The following ADA variants were observed in gnomAD, a reference collection of about 807,000 sequenced individuals.
ADA encodes the protein adenosine deaminase, also known as adenosine aminohydrolase.
ADA carries 45 observed loss-of-function variants against 49.0 expected under a neutral mutation model. That is an observed-to-expected ratio of 0.92 (90% CI 0.72 to 1.18). ADA has a LOEUF of 1.18. Ranked by LOEUF, ADA falls within the 50% of genes most tolerant of loss-of-function variation. ADA has a pLI of 0.00. For missense variants in ADA, 445 were observed against 472.5 expected, an observed-to-expected ratio of 0.94 and a Z score of 0.54; for synonymous variants, 173 against 184.2, an observed-to-expected ratio of 0.94 and a Z score of 0.49.
intron 9 of ADA, 69 bp from the exon 10 acceptor site, chr20:44,621,216 C>T (rs1359379080): frequency 1.3e-5 from 20 of 1,597,146 alleles, no homozygotes; most frequent in South Asian, 6.6e-5. Flanking sequence ...AACACATTGA[C>T]GTTCACCCGC....
At chr20:44,638,894 G>A (rs756204516) in intron 1 of ADA, among the ~76,000 whole-genome samples, 21 of 152,218 alleles carry the variant, frequency 1.4e-4, no homozygotes, top group Admixed American at 7.2e-4. Flanking sequence ...GCAGGGGTGC[G>A]GAGGGAGGCA....
At position 44,649,133 on chromosome 20, in the gene ADA, C is replaced by T. The variant is rs533336349; in HGVS notation, c.33+2442G>A. On this transcript the variant is annotated intron_variant, in intron 1 of 11. Coordinates refer to ENST00000372874, the MANE Select transcript of ADA (RefSeq NM_000022.4). ...AAACCCCAGATTGGACATTTCCTAG[C>T]TGTGTGATCTTGGGCCTAGTTAACC... Among the ~76,000 whole-genome samples the T allele has an allele frequency of 3.0e-4, 46 of 152,222 alleles. No individual in the cohort carries two copies. The South Asian group carries it at 8.9e-3, about 29-fold the overall frequency.
intron 2 of ADA, 181 bp downstream of exon 2, chr20:44,636,046 G>C: frequency 1.6e-6 from 1 of 644,308 alleles, no homozygotes; most frequent in South Asian, 1.8e-5. Context: ...TGGTCTGCGG[G>C]TCTCCAGCTC....
In ADA at chr20:44,619,649, T is replaced by TC; in HGVS notation, c.*184dup. The TC allele has an allele frequency of 1.4e-6, 1 of 728,140 alleles. No individual in the cohort carries two copies. The highest frequency in any genetic ancestry group is 2.3e-6 in the Non-Finnish European group (1 of 426,916). 45.1% of individuals were successfully genotyped at this position (728,140 alleles called of 1,614,324 possible). On this transcript the variant is annotated 3_prime_UTR_variant, in exon 12 of 12. Coordinates refer to ENST00000372874, the MANE Select transcript of ADA (RefSeq NM_000022.4). ...GCTGGTCCCTGGCCAGGGCACATAA[T>TC]CAGAGAAGTGACGCGGCCATGCCGA... is the stretch of plus-strand genomic sequence containing the variant.
chr20:44,626,197 C>T (rs959795144), intron 4 of ADA: 26 of 574,650 alleles, frequency 4.5e-5, no homozygotes, highest in Middle Eastern at 9.4e-4. Flanking sequence ...GGTTAACATT[C>T]CTGGACAGCA....
At chr20:44,625,095 A>G (rs1054284810) in intron 5 of ADA, among the ~76,000 whole-genome samples, 1 of 152,244 alleles carries the variant, frequency 6.6e-6, no homozygotes, top group African/African-American at 2.4e-5. Context: ...TAACCAGAGC[A>G]GCAGTGTGAC....
Position 44,632,692 on chromosome 20 carries a change from C to A in ADA, c.96-3523G>T, listed in dbSNP as rs373232169. Among the ~76,000 whole-genome samples, 26 of 152,234 alleles carry A rather than the reference C, an allele frequency of 1.7e-4. 1 individual carries two copies. Among genetic ancestry groups the A allele is most frequent in the Admixed American group, 8.5e-4 (13 of 15,286 alleles). ...CTCATAGGGCCACCCTCTGTTTTTT[C>A]TTTTGTTTTGTTTTTTTGAGACGGA... On this transcript the variant is annotated intron_variant, in intron 2 of 11. Coordinates refer to ENST00000372874, the MANE Select transcript of ADA (RefSeq NM_000022.4).
At chr20:44,620,877 G>A in intron 10 of ADA, 141 bp downstream of exon 10, 13 of 1,157,632 alleles carry the variant, frequency 1.1e-5, no homozygotes, top group South Asian at 7.5e-5. Flanking sequence ...CTTCTCTGTG[G>A]AAAGTGTCTA....
intron 5 of ADA, 24 bp downstream of exon 5, chr20:44,625,545 G>A (rs1374134972): frequency 8.4e-6 from 13 of 1,556,584 alleles, no homozygotes; most frequent in South Asian, 1.2e-5. Context: ...GGGCGGCCCT[G>A]GGCAGGGCGG....
At chr20:44,628,009 G>A (rs2065398489) in intron 3 of ADA, among the ~76,000 whole-genome samples, 1 of 152,256 alleles carries the variant, frequency 6.6e-6, no homozygotes, top group South Asian at 2.1e-4. Flanking sequence ...CAGAAGCAAG[G>A]CACAAATTGG....
intron 3 of ADA, among the ~76,000 whole-genome samples, chr20:44,628,370 C>G (rs2065401748): frequency 6.6e-6 from 1 of 152,090 alleles, no homozygotes; most frequent in African/African-American, 2.4e-5. Context: ...ACTAAAAATA[C>G]AAAACCATTA....
chr20:44,638,123 G>A (rs59196750), intron 1 of ADA, among the ~76,000 whole-genome samples: 6,437 of 152,260 alleles, frequency 0.042, 257 homozygotes, highest in African/African-American at 0.11. Flanking sequence ...CTCACTCCCT[G>A]CTTGACCCTG....
chr20:44,635,225 T>C (rs2065469463), intron 2 of ADA, among the ~76,000 whole-genome samples: 1 of 152,154 alleles, frequency 6.6e-6, no homozygotes. Flanking sequence ...AGGGGGACCC[T>C]CTGGCCCCCT....
rs538362387 is a variant in ADA at position 44,632,384 on chromosome 20, A to T, written c.96-3215T>A. Among the ~76,000 whole-genome samples the T allele has an allele frequency of 9.7e-4, 147 of 152,108 alleles. 1 individual carries two copies. Among genetic ancestry groups the T allele is most frequent in the Non-Finnish European group, 7.5e-4 (51 of 67,968 alleles). ...GGCACTGTAGGATTTCAAGCAGGGG[A>T]CTAGCATGAAATAATTTACCTTTTT... On this transcript the variant is annotated intron_variant, in intron 2 of 11. Coordinates refer to ENST00000372874, the MANE Select transcript of ADA (RefSeq NM_000022.4).
At chr20:44,625,523 C>T (rs2065373102) in intron 5 of ADA, 46 bp downstream of exon 5, 3 of 1,524,090 alleles carry the variant, frequency 2.0e-6, no homozygotes, top group African/African-American at 1.4e-5. Context: ...GAGGTCAGGG[C>T]CAGGGTGAGA....
At chr20:44,638,966 G>T (rs556129796) in intron 1 of ADA, among the ~76,000 whole-genome samples, 1 of 152,252 alleles carries the variant, frequency 6.6e-6, no homozygotes, top group East Asian at 1.9e-4. Flanking sequence ...AGAAAACGGG[G>T]TATATGAAAT....
chr20:44,641,621 C>G (rs1373521082), intron 1 of ADA, among the ~76,000 whole-genome samples: 2 of 152,072 alleles, frequency 1.3e-5, no homozygotes, highest in African/African-American at 2.4e-5. Context: ...GAAGGTCAAA[C>G]CAGGCCTGGC....
intron 1 of ADA, among the ~76,000 whole-genome samples, chr20:44,647,120 C>G (rs2065599361): frequency 1.3e-5 from 2 of 152,072 alleles, no homozygotes; most frequent in Non-Finnish European, 2.9e-5. Flanking sequence ...CCCTCTGCAT[C>G]AGAGAGGGAC....
chr20:44,650,561 G>A (rs1056686918), intron 1 of ADA, among the ~76,000 whole-genome samples: 1 of 152,012 alleles, frequency 6.6e-6, no homozygotes, highest in African/African-American at 2.4e-5. Flanking sequence ...CTGAGTAGCT[G>A]GGACTACGGG....
Sources: allele counts gnomAD v4.1 joint callset (sites outside exome capture counted in the v4.1 genomes callset), GRCh38; gene constraint gnomAD v4.1.1; transcripts MANE v1.5; gene names NCBI Gene and HGNC (gene_info 2026-07-23, HGNC 2026-07-21).